The following FMN2 variants were observed in gnomAD, a reference collection of about 807,000 sequenced individuals.
FMN2 encodes formin-2.
A neutral mutation model predicts 142.3 loss-of-function variants in FMN2; 51 were observed. The observed-to-expected ratio is 0.36, with a 90% CI of 0.29 to 0.45. FMN2 has a LOEUF of 0.45. FMN2 is among the 20% of genes least tolerant of loss of function. The probability of loss-of-function intolerance (pLI) is 1.00; values close to 1 mark genes in which losing one functional copy is unlikely to be tolerated. For synonymous variants in FMN2, 882 were observed against 869.8 expected (o/e 1.01, Z -0.25); for missense variants, 1,936 against 2,122.8 (o/e 0.91, Z 1.73).
intron 1 of FMN2, among the ~76,000 whole-genome samples, chr1:240,110,874 T>C (rs1457288630): frequency 6.6e-6 from 1 of 152,130 alleles, no homozygotes; most frequent in African/African-American, 2.4e-5. Flanking sequence ...TATTACCTTG[T>C]TGTTAAAATC....
intron 16 of FMN2, among the ~76,000 whole-genome samples, chr1:240,468,956 G>A (rs1409055402): frequency 6.6e-6 from 1 of 152,182 alleles, no homozygotes; most frequent in Non-Finnish European, 1.5e-5. Context: ...TGCCGAAAGT[G>A]TGGAAAAATG....
intron 9 of FMN2, 44 bp from the exon 10 acceptor site, chr1:240,329,289 CTGTTTA>C (rs765332826): frequency 1.9e-6 from 3 of 1,594,390 alleles, no homozygotes; most frequent in African/African-American, 1.3e-5. Flanking sequence ...GGATAAACAT[CTGTTTA>C]TGTGAATTAT....
intron 15 of FMN2, among the ~76,000 whole-genome samples, chr1:240,423,453 C>T (rs1425235120): frequency 1.3e-5 from 2 of 152,136 alleles, no homozygotes; most frequent in Non-Finnish European, 2.9e-5. Flanking sequence ...CTTTGCAGTT[C>T]GTTTAAACTG....
intron 16 of FMN2, among the ~76,000 whole-genome samples, chr1:240,441,718 A>G (rs1253333094): frequency 6.7e-6 from 1 of 149,036 alleles, no homozygotes; most frequent in Non-Finnish European, 1.5e-5. Context: ...ATATGGGATT[A>G]GTGTCCTCAT....
At chr1:240,239,603 G>T (rs1667823526) in intron 6 of FMN2, among the ~76,000 whole-genome samples, 1 of 152,336 alleles carries the variant, frequency 6.6e-6, no homozygotes, top group East Asian at 1.9e-4. Flanking sequence ...CCATAGGATA[G>T]GGTCAAATCC....
intron 7 of FMN2, among the ~76,000 whole-genome samples, chr1:240,286,180 T>A (rs985923840): frequency 6.6e-6 from 1 of 152,124 alleles, no homozygotes; most frequent in African/African-American, 2.4e-5. Context: ...TGTCTGGCAG[T>A]GTTCTGGACC....
At chr1:240,426,874 G>C (rs191358012) in intron 15 of FMN2, among the ~76,000 whole-genome samples, 125 of 152,042 alleles carry the variant, frequency 8.2e-4, no homozygotes, top group African/African-American at 2.9e-3. Flanking sequence ...AGGTAGCTGG[G>C]ATTACAGGTG....
rs905221394 is a variant in FMN2 at position 240,092,197 on chromosome 1, A to T, written c.88A>T (p.Arg30Trp). ...TGGCGCCGAGGATGCGCTGGGGCCCAGGGATGTGGAAGCCACAAAGAAGGG... is the reference window on the plus strand; with the variant it reads ...TGGCGCCGAGGATGCGCTGGGGCCCTGGGATGTGGAAGCCACAAAGAAGGG... ...GGGAEDALGP[R>W]DVEATKKGSG... The change falls in exon 1 of 18, where the codon AGG becomes TGG. Residue 30 changes from arginine (R) to tryptophan (W), a missense_variant. Transcript: ENST00000319653. The T allele has an allele frequency of 6.4e-7, 1 of 1,555,856 alleles. No individual in the cohort carries two copies. The highest frequency in any genetic ancestry group is 1.8e-5 in the Admixed American group (1 of 54,882).
chr1:240,216,917 C>T (rs1666923444), intron 6 of FMN2, among the ~76,000 whole-genome samples: 1 of 151,768 alleles, frequency 6.6e-6, no homozygotes, highest in Non-Finnish European at 1.5e-5. Flanking sequence ...CCACTACACT[C>T]CAGCCTGGGC....
At chr1:240,147,776 C>T (rs537230439) in intron 2 of FMN2, among the ~76,000 whole-genome samples, 18 of 152,286 alleles carry the variant, frequency 1.2e-4, no homozygotes, top group East Asian at 3.9e-4. Context: ...CTGGCTAGGT[C>T]GGCAGCTTCA....
At chr1:240,316,771 G>A (rs971162729) in intron 8 of FMN2, among the ~76,000 whole-genome samples, 1 of 152,036 alleles carries the variant, frequency 6.6e-6, no homozygotes, top group African/African-American at 2.4e-5. Flanking sequence ...AGATTCAGAG[G>A]ACTTTGTAAA....
chr1:240,389,203 T>A (rs1673522307), intron 14 of FMN2, among the ~76,000 whole-genome samples: 1 of 152,210 alleles, frequency 6.6e-6, no homozygotes, highest in African/African-American at 2.4e-5. Context: ...TATCTGTACA[T>A]AAGAAACTGC....
intron 4 of FMN2, among the ~76,000 whole-genome samples, chr1:240,188,711 A>G (rs6429186): frequency 0.63 from 96,491 of 152,094 alleles, 31,370 homozygotes; most frequent in African/African-American, 0.77. Context: ...TTTCCAGGAA[A>G]CTATTTTTTT....
At chr1:240,162,513 T>C (rs965836224) in intron 2 of FMN2, among the ~76,000 whole-genome samples, 5 of 152,180 alleles carry the variant, frequency 3.3e-5, no homozygotes, top group African/African-American at 9.7e-5. Flanking sequence ...TTTTCTTTTT[T>C]GTATGTTGAT....
chr1:240,375,583 C>G (rs1211251532), intron 14 of FMN2, among the ~76,000 whole-genome samples: 1 of 152,056 alleles, frequency 6.6e-6, no homozygotes, highest in African/African-American at 2.4e-5. Flanking sequence ...AAATATTTAC[C>G]CTTTTGAACT....
At chr1:240,110,819 T>TA (rs1661783079) in intron 1 of FMN2, among the ~76,000 whole-genome samples, 2 of 151,824 alleles carry the variant, frequency 1.3e-5, no homozygotes, top group African/African-American at 4.8e-5. Context: ...GCCCTTTTTT[T>TA]TAAAAAAAAT....
chr1:240,210,392 A>T (rs1370395218), intron 5 of FMN2, among the ~76,000 whole-genome samples: 1 of 152,124 alleles, frequency 6.6e-6, no homozygotes, highest in Non-Finnish European at 1.5e-5. Flanking sequence ...CATTTCTTAT[A>T]TGGATTTTTC....
At chr1:240,275,112 T>A (rs1345302606) in intron 7 of FMN2, among the ~76,000 whole-genome samples, 1 of 150,780 alleles carries the variant, frequency 6.6e-6, no homozygotes, top group Non-Finnish European at 1.5e-5. Context: ...TATTATACTT[T>A]AAGTTCTGGG....
At chr1:240,198,375 TA>T (rs1156924650) in intron 4 of FMN2, among the ~76,000 whole-genome samples, 3 of 152,218 alleles carry the variant, frequency 2.0e-5, no homozygotes, top group Non-Finnish European at 4.4e-5. Flanking sequence ...AAAGAGATGT[TA>T]AAAGTAATAC....
Sources: gnomAD v4.1 joint callset for allele counts (sites outside exome capture counted in the v4.1 genomes callset) on GRCh38, gnomAD v4.1.1 for gene constraint, MANE v1.5 for transcripts, NCBI Gene and HGNC (gene_info 2026-07-23, HGNC 2026-07-21) for gene names.